The following ATE1 variants were observed in gnomAD, a reference collection of about 807,000 sequenced individuals.
ATE1 encodes the protein arginyltransferase 1.
Under a neutral mutation model 70.5 loss-of-function variants are expected in ATE1, and 36 were observed. The observed-to-expected ratio is 0.51, with a 90% CI of 0.39 to 0.67. The LOEUF (loss-of-function observed/expected upper bound fraction) is 0.67. Ranked by LOEUF, ATE1 falls within the 30% of genes least tolerant of loss-of-function variation. ATE1 has a pLI of 0.00. For synonymous variants in ATE1, 232 were observed against 219.3 expected, an observed-to-expected ratio of 1.06 and a Z score of -0.51; for missense variants, 593 against 629.5, an observed-to-expected ratio of 0.94 and a Z score of 0.62.
In ATE1 at chr10:121,854,536, A is replaced by G. The variant is rs1472790214; in HGVS notation, c.976-13273T>C. ...CTAACACAACTTTTCTTGGCTCCCA[A>G]AGAGATGCTCATGCAGCCATAAAGC... On this transcript the variant is annotated intron_variant, in intron 8 of 11. Transcript: ENST00000224652. Among the ~76,000 whole-genome samples the G allele has an allele frequency of 2.0e-5, 3 of 152,168 alleles. No homozygotes were observed. In the East Asian group the frequency reaches 5.8e-4, roughly 29 times the overall value.
chr10:121,858,075 A>C (rs1949314527), intron 8 of ATE1, among the ~76,000 whole-genome samples: 1 of 152,148 alleles, frequency 6.6e-6, no homozygotes, highest in Non-Finnish European at 1.5e-5. Context: ...CATTTTGTTT[A>C]TCCATTCATC....
At chr10:121,894,631 A>G (rs1340064703) in intron 7 of ATE1, among the ~76,000 whole-genome samples, 1 of 151,926 alleles carries the variant, frequency 6.6e-6, no homozygotes, top group Non-Finnish European at 1.5e-5. Flanking sequence ...CGGGTGTGGG[A>G]GCTCACGCCT....
chr10:121,922,520 G>A (rs1951922391), intron 2 of ATE1, 109 bp from the exon 3 acceptor site: 1 of 680,972 alleles, frequency 1.5e-6, no homozygotes, highest in Non-Finnish European at 2.6e-6. Context: ...CAACATTGTA[G>A]AAATGCATGT....
chr10:121,784,085 T>C (rs946598319), intron 11 of ATE1, among the ~76,000 whole-genome samples: 1 of 152,052 alleles, frequency 6.6e-6, no homozygotes, highest in African/African-American at 2.4e-5. Context: ...AAACCTATTC[T>C]ACAAGAAAAA....
In ATE1 at chr10:121,852,453, T is replaced by G. The variant is rs571574443; in HGVS notation, c.976-11190A>C. 4.6e-4 allele frequency among the ~76,000 whole-genome samples: 70 copies of G among 152,166 alleles called. 2 individuals are homozygous for G. The South Asian group carries it at 0.013, about 28-fold the overall frequency. On this transcript the variant is annotated intron_variant, in intron 8 of 11. Transcript: ENST00000224652. ...AAACACTTCACCGAAGTTTGAAAAA[T>G]AGAAACACACACTTTGGGAGGCAGA...
chr10:121,749,610 T>C (rs759906766), intron 11 of ATE1, among the ~76,000 whole-genome samples: 1 of 152,238 alleles, frequency 6.6e-6, no homozygotes, highest in Non-Finnish European at 1.5e-5. Context: ...TTAATGAATA[T>C]TCAATAACGA....
At chr10:121,885,260 C>CAAAAA (rs1212899309) in intron 7 of ATE1, among the ~76,000 whole-genome samples, 7 of 33,384 alleles carry the variant, frequency 2.1e-4, no homozygotes, top group African/African-American at 6.8e-4. Flanking sequence ...GACTCCGTCT[C>CAAAAA]AAAAAAAAAA....
intron 11 of ATE1, among the ~76,000 whole-genome samples, chr10:121,777,706 C>A (rs1202704636): frequency 2.0e-5 from 3 of 152,120 alleles, no homozygotes; most frequent in East Asian, 3.8e-4. Flanking sequence ...TCTATGTAAA[C>A]AATAATCTGT....
chr10:121,874,008 C>T (rs1949948577), intron 7 of ATE1, among the ~76,000 whole-genome samples: 1 of 152,112 alleles, frequency 6.6e-6, no homozygotes. Flanking sequence ...AAATATACTT[C>T]CAGTTATATT....
chr10:121,865,798 C>T (rs1219831875), intron 8 of ATE1, among the ~76,000 whole-genome samples: 1 of 152,210 alleles, frequency 6.6e-6, no homozygotes, highest in Non-Finnish European at 1.5e-5. Flanking sequence ...TGACTCTCCA[C>T]ACATGGTCCA....
chr10:121,890,536 A>C (rs919411634), intron 7 of ATE1, among the ~76,000 whole-genome samples: 1 of 152,206 alleles, frequency 6.6e-6, no homozygotes, highest in African/African-American at 2.4e-5. Context: ...ATTTTCCTTT[A>C]TGTCTGATAA....
At chr10:121,811,024 T>G (rs756798576) in intron 10 of ATE1, among the ~76,000 whole-genome samples, 2 of 152,142 alleles carry the variant, frequency 1.3e-5, no homozygotes, top group Non-Finnish European at 2.9e-5. Context: ...TAAAATAAAG[T>G]TTGCCATTTG....
chr10:121,927,437 C>T, intron 1 of ATE1: 1 of 985,140 alleles, frequency 1.0e-6, no homozygotes, highest in Non-Finnish European at 1.2e-6. Flanking sequence ...CCTGTGTGCA[C>T]ACCCACAGCT....
intron 7 of ATE1, chr10:121,898,991 A>G (rs1423812513): frequency 6.2e-7 from 1 of 1,610,644 alleles, no homozygotes; most frequent in Non-Finnish European, 8.5e-7. Context: ...GGAAAATACA[A>G]GCAAATGCTA....
intron 7 of ATE1, among the ~76,000 whole-genome samples, chr10:121,888,616 A>G (rs1019825248): frequency 4.6e-5 from 7 of 152,180 alleles, no homozygotes; most frequent in Admixed American, 1.3e-4. Context: ...CCTACGACAC[A>G]GCATTTCTAT....
At chr10:121,911,429 C>T (rs1195916416) in intron 4 of ATE1, among the ~76,000 whole-genome samples, 1 of 144,820 alleles carries the variant, frequency 6.9e-6, no homozygotes, top group East Asian at 2.0e-4. Context: ...GAGACACTAT[C>T]TCTACAGTAA....
rs188458581 is a variant in ATE1 at position 121,777,311 on chromosome 10, A to C, written c.1378+12858T>G. ...AAATAATGTTAATGTGAATAGAACA[A>C]TTTTGGAAGCTGTAAATGAATAATC... On this transcript the variant is annotated intron_variant, in intron 11 of 11. Transcript: ENST00000224652. Among the ~76,000 whole-genome samples the C allele has an allele frequency of 1.3e-4, 20 of 152,348 alleles. No individual in the cohort carries two copies. In the East Asian group the frequency reaches 3.8e-3, roughly 29 times the overall value.
At chr10:121,856,506 G>T (rs1185218622) in intron 8 of ATE1, among the ~76,000 whole-genome samples, 1 of 152,166 alleles carries the variant, frequency 6.6e-6, no homozygotes, top group Admixed American at 6.5e-5. Flanking sequence ...CTCCAGCCTG[G>T]GTGAAAGAGC....
intron 5 of ATE1, among the ~76,000 whole-genome samples, chr10:121,907,493 G>A (rs1004294433): frequency 2.0e-5 from 3 of 151,616 alleles, no homozygotes; most frequent in Non-Finnish European, 2.9e-5. Context: ...ATTAAAATGC[G>A]GCCAGACACG....
Sources: gnomAD v4.1 joint callset for allele counts (sites outside exome capture counted in the v4.1 genomes callset) on GRCh38, gnomAD v4.1.1 for gene constraint, MANE v1.5 for transcripts, NCBI Gene and HGNC (gene_info 2026-07-23, HGNC 2026-07-21) for gene names.